EYA3: variants seen among roughly 807,000 people sequenced by gnomAD.
The protein encoded by EYA3 is EYA transcriptional coactivator and phosphatase 3.
Under a neutral mutation model 80.0 loss-of-function variants are expected in EYA3, and 39 were observed. The observed-to-expected ratio is 0.49, with a 90% CI of 0.38 to 0.64. The LOEUF (loss-of-function observed/expected upper bound fraction) is 0.64. Among genes scored for constraint, EYA3 ranks in the 30% least tolerant of loss-of-function variants. EYA3 has a pLI of 0.00. For synonymous variants in EYA3, 206 were observed against 232.8 expected, an observed-to-expected ratio of 0.88 and a Z score of 1.05; for missense variants, 523 against 676.1, an observed-to-expected ratio of 0.77 and a Z score of 2.51.
Position 28,013,095 on chromosome 1 carries a change from G to C in EYA3, c.769+16C>G. The C allele has an allele frequency of 1.2e-6, 2 of 1,603,260 alleles. No individual in the cohort carries two copies. Among genetic ancestry groups the C allele is most frequent in the Non-Finnish European group, 1.7e-6 (2 of 1,176,256 alleles). On this transcript the variant is annotated intron_variant, in intron 9 of 17. Coordinates refer to ENST00000373871, the MANE Select transcript of EYA3 (RefSeq NM_001990.4). The surrounding 1 kb of genome is among the most constrained non-coding windows in gnomAD (Gnocchi z 4.0). Reference sequence around the variant, plus strand: ...AAGTGACCTTAAGCCAAAGTTTTCAGAGCTGCGGTGCTTACCAGAGGAAAG... The same window carrying C: ...AAGTGACCTTAAGCCAAAGTTTTCACAGCTGCGGTGCTTACCAGAGGAAAG...
At chr1:28,038,373 T>C (rs552660030) in intron 5 of EYA3, among the ~76,000 whole-genome samples, 51 of 145,494 alleles carry the variant, frequency 3.5e-4, no homozygotes, top group Middle Eastern at 3.5e-3. Flanking sequence ...GAGGTGGAGG[T>C]TGCAGTGAGC....
At chr1:28,053,396 A>T (rs1644338692) in intron 2 of EYA3, among the ~76,000 whole-genome samples, 1 of 152,192 alleles carries the variant, frequency 6.6e-6, no homozygotes, top group Admixed American at 6.5e-5. Context: ...GCACTGACAA[A>T]TTCATAAATC....
Position 28,026,632 on chromosome 1 carries a change from A to C in EYA3, c.499+1157T>G, listed in dbSNP as rs565786432. Among the ~76,000 whole-genome samples the C allele has an allele frequency of 1.2e-4, 18 of 152,176 alleles. No homozygotes were observed. In the South Asian group the frequency reaches 3.7e-3, roughly 32 times the overall value. On this transcript the variant is annotated intron_variant, in intron 7 of 17. Coordinates refer to ENST00000373871, the MANE Select transcript of EYA3 (RefSeq NM_001990.4). ...ACTCTGTCACAAAACAAAACAAAAA[A>C]CCATAGAGAAATACTCTATAAAAAT...
chr1:28,017,111 G>A (rs1157316318), intron 8 of EYA3, 43 bp downstream of exon 8: 1 of 1,508,086 alleles, frequency 6.6e-7, no homozygotes, highest in Non-Finnish European at 9.2e-7. Context: ...AGAGCAAGCT[G>A]GATGAACTCT....
In EYA3 at chr1:28,027,823, C is replaced by T; in HGVS notation, c.465G>A (p.Gln155=). 6.2e-7 allele frequency: 1 copy of T among 1,614,176 alleles called. No individual in the cohort carries two copies. Among genetic ancestry groups the T allele is most frequent in the Non-Finnish European group, 8.5e-7 (1 of 1,180,020 alleles). The stretch of plus-strand genomic sequence containing the variant: ...GATAAGAATAATGTGCTGGGCTTGG[C>T]TGGCTTGTGGTTAACCCTGTAGTGC... ...LTCTTGLTTS[Q]PSPAHYSYPI... Residue 155 remains glutamine (Q), a synonymous_variant, in exon 7 of 18, where the codon CAG becomes CAA. Coordinates refer to ENST00000373871, the MANE Select transcript of EYA3 (RefSeq NM_001990.4).
chr1:27,989,977 A>G (rs1164888770), intron 14 of EYA3, among the ~76,000 whole-genome samples, 166 bp from the exon 15 acceptor site: 1 of 152,066 alleles, frequency 6.6e-6, no homozygotes, highest in Non-Finnish European at 1.5e-5. Flanking sequence ...CCATGAACAC[A>G]TGTGCTTTAT....
intron 3 of EYA3, among the ~76,000 whole-genome samples, chr1:28,043,566 G>A (rs1011933484): frequency 5.3e-5 from 8 of 152,020 alleles, no homozygotes; most frequent in African/African-American, 1.4e-4. Context: ...GGCCAGGTGC[G>A]GTGGCTTACA....
chr1:27,997,310 T>C lies in EYA3; in HGVS notation c.1142+10A>G, dbSNP rs751649863. The C allele has an allele frequency of 2.5e-6, 4 of 1,613,134 alleles. No individual in the cohort carries two copies. The highest frequency in any genetic ancestry group is 1.6e-4 in the Middle Eastern group (1 of 6,082). ...GTGTACTGGTGTTCAAGAATCATTA[T>C]GTTTATCACCTCAAGTCTTGGCCAT... On this transcript the variant is annotated intron_variant, in intron 13 of 17. Transcript: ENST00000373871.
intron 1 of EYA3, among the ~76,000 whole-genome samples, chr1:28,061,767 T>C (rs1644637439): frequency 6.6e-6 from 1 of 151,978 alleles, no homozygotes; most frequent in Non-Finnish European, 1.5e-5. Flanking sequence ...GCCCGGCTAA[T>C]TTTTTGTATT....
chr1:28,000,221 A>C (rs1446447084), intron 11 of EYA3, among the ~76,000 whole-genome samples, 172 bp from the exon 12 acceptor site: 1 of 152,250 alleles, frequency 6.6e-6, no homozygotes, highest in Non-Finnish European at 1.5e-5. Flanking sequence ...GGATTGTAAA[A>C]TAGAGAAGAT....
At chr1:28,081,367 C>A (rs908393636) in intron 1 of EYA3, among the ~76,000 whole-genome samples, 12 of 152,060 alleles carry the variant, frequency 7.9e-5, no homozygotes, top group African/African-American at 2.9e-4. Context: ...CAGAAGAACA[C>A]CTGGTGAAAA....
chr1:28,015,486 G>T (rs568875232), intron 8 of EYA3, among the ~76,000 whole-genome samples: 1 of 152,088 alleles, frequency 6.6e-6, no homozygotes, highest in Non-Finnish European at 1.5e-5. Flanking sequence ...CAGAGATTGC[G>T]CCACTGCACT....
rs541763957 is a variant in EYA3, at chr1:27,977,864, A to G, written c.1641+510T>C. Among the ~76,000 whole-genome samples, 713 of 145,626 alleles carry G rather than the reference A, an allele frequency of 4.9e-3. 12 individuals are homozygous for G. Among genetic ancestry groups the G allele is most frequent in the African/African-American group, 0.017 (677 of 40,140 alleles). The stretch of plus-strand genomic sequence containing the variant: ...CTCTATCTCAAAAACAGAAAAAAAA[A>G]GAAAAAAGAAAAAAAGAAGGGGTGA... On this transcript the variant is annotated intron_variant, in intron 17 of 17. Coordinates refer to ENST00000373871, the MANE Select transcript of EYA3 (RefSeq NM_001990.4).
Position 27,973,392 on chromosome 1 carries a change from A to T in EYA3, c.*1074T>A, listed in dbSNP as rs1254314040. The stretch of plus-strand genomic sequence containing the variant: ...GAACCTAGCATTATGATGACCAAGA[A>T]GGAAGAAGCTGCAGGGACGAGCATC... On this transcript the variant is annotated 3_prime_UTR_variant, in exon 18 of 18. Coordinates refer to ENST00000373871, the MANE Select transcript of EYA3 (RefSeq NM_001990.4). 6.6e-6 allele frequency: 1 copy of T among 152,358 alleles called. No individual in the cohort carries two copies. Among genetic ancestry groups the T allele is most frequent in the African/African-American group, 2.4e-5 (1 of 41,438 alleles). 9.4% of individuals were successfully genotyped at this position (152,358 alleles called of 1,614,324 possible). A position where few individuals can be genotyped will look rare whatever the true frequency, so the allele number is the denominator to read the frequency against.
chr1:28,052,905 C>T (rs1383691522), intron 2 of EYA3, among the ~76,000 whole-genome samples: 1 of 152,046 alleles, frequency 6.6e-6, no homozygotes, highest in East Asian at 1.9e-4. Flanking sequence ...AGTGACACTG[C>T]ACTCCAGCCT....
chr1:28,005,163 C>G (rs1367301482), intron 10 of EYA3, among the ~76,000 whole-genome samples: 1 of 152,126 alleles, frequency 6.6e-6, no homozygotes, highest in Non-Finnish European at 1.5e-5. Flanking sequence ...CCGGTAAGAG[C>G]TATAACTAGA....
intron 1 of EYA3, among the ~76,000 whole-genome samples, chr1:28,083,788 C>T (rs1271470158): frequency 6.6e-6 from 1 of 152,072 alleles, no homozygotes; most frequent in Admixed American, 6.6e-5. Flanking sequence ...ACGTTTAATT[C>T]AGAAATGTAC....
At chr1:28,001,276 T>C (rs1640820864) in intron 11 of EYA3, among the ~76,000 whole-genome samples, 1 of 149,574 alleles carries the variant, frequency 6.7e-6, no homozygotes, top group Non-Finnish European at 1.5e-5. Context: ...ATATATACAT[T>C]GTATTTTCAC....
At chr1:28,081,517 C>T (rs1645427652) in intron 1 of EYA3, among the ~76,000 whole-genome samples, 1 of 151,964 alleles carries the variant, frequency 6.6e-6, no homozygotes, top group South Asian at 2.1e-4. Context: ...TATTTTTTAT[C>T]CTATAATGTT....
Sources: gnomAD v4.1 joint callset for allele counts (sites outside exome capture counted in the v4.1 genomes callset) on GRCh38, gnomAD v4.1.1 for gene constraint, Gnocchi (gnomAD v3.1) non-coding constraint, MANE v1.5 for transcripts, NCBI Gene and HGNC (gene_info 2026-07-23, HGNC 2026-07-21) for gene names.